The following MYL4 variants were observed in gnomAD, a reference collection of about 807,000 sequenced individuals.
MYL4 encodes myosin light chain 4, also known as atrial myosin light chain 1.
A neutral mutation model predicts 21.6 loss-of-function variants in MYL4; 16 were observed. The ratio of observed to expected loss-of-function variants is 0.74; its 90% confidence interval spans 0.50 to 1.12. The LOEUF (loss-of-function observed/expected upper bound fraction) is 1.12. Ranked by LOEUF, MYL4 falls within the 50% of genes most tolerant of loss-of-function variation. The probability of loss-of-function intolerance (pLI) is 0.00; values close to 1 mark genes in which losing one functional copy is unlikely to be tolerated. For missense variants in MYL4, 249 were observed against 252.9 expected (o/e 0.98, Z 0.11); for synonymous variants, 82 against 95.7 (o/e 0.86, Z 0.83).
rs998032090 is a variant in MYL4, at chr17:47,222,555, G to A, written c.565+98G>A. On this transcript the variant is annotated intron_variant, in intron 5 of 6. Coordinates refer to ENST00000393450, the MANE Select transcript of MYL4 (RefSeq NM_002476.2). ...CAGGAGCTGGAGGGTATGTGTCTGA[G>A]GTGGGTTTTTGTAGACCCCCCATTG... 2.5e-6 allele frequency: 3 copies of A among 1,177,256 alleles called. No individual in the cohort carries two copies. In the Admixed American group the frequency reaches 6.0e-5, roughly 24 times the overall value. The allele number at this position is 1,177,256 out of a possible 1,614,324, so 72.9% of individuals were successfully genotyped here.
At chr17:47,198,111 G>C (rs989300005), upstream of MYL4, among the ~76,000 whole-genome samples, 129 of 152,230 alleles carry the variant, frequency 8.5e-4, no homozygotes, top group Admixed American at 8.4e-3. Flanking sequence ...AAAGACTAGG[G>C]GCTAGGAATG....
chr17:47,207,718 A>G (rs1302462123), upstream of MYL4, among the ~76,000 whole-genome samples: 3 of 152,224 alleles, frequency 2.0e-5, no homozygotes, highest in Non-Finnish European at 4.4e-5. Context: ...TAGTGGATAC[A>G]TAAGCTTTTT....
chr17:47,221,160 A>G (rs189611796), intron 3 of MYL4, among the ~76,000 whole-genome samples: 5 of 152,322 alleles, frequency 3.3e-5, no homozygotes, highest in Non-Finnish European at 7.3e-5. Flanking sequence ...TTCACAAGAG[A>G]ACTGTGAATT....
At chr17:47,219,371 G>A (rs1333649392) in intron 2 of MYL4, among the ~76,000 whole-genome samples, 1 of 152,242 alleles carries the variant, frequency 6.6e-6, no homozygotes, top group Non-Finnish European at 1.5e-5. Context: ...CTCTGAGGCA[G>A]AGCCAAGATG....
chr17:47,198,121 G>T (rs17604704), upstream of MYL4, among the ~76,000 whole-genome samples: 7,019 of 152,286 alleles, frequency 0.046, 210 homozygotes, highest in Middle Eastern at 0.11. Flanking sequence ...GGCTAGGAAT[G>T]CAGCAGAGAG....
intron 6 of MYL4, 109 bp downstream of exon 6, chr17:47,223,166 A>G: frequency 1.7e-6 from 2 of 1,145,508 alleles, no homozygotes; most frequent in Non-Finnish European, 2.5e-6. Context: ...CTTAAGAGGA[A>G]ACCTCTTGGG....
chr17:47,194,239 G>A, the MYL4 span, among the ~76,000 whole-genome samples: 1 of 152,196 alleles, frequency 6.6e-6, no homozygotes, highest in Non-Finnish European at 1.5e-5. Context: ...TCCTATCCCA[G>A]TTTAAGATAT....
At chr17:47,225,619 T>C (rs903191542), downstream of MYL4, among the ~76,000 whole-genome samples, 1 of 152,218 alleles carries the variant, frequency 6.6e-6, no homozygotes, top group African/African-American at 2.4e-5. Context: ...AGGTCACAGC[T>C]AATGTTGACA....
At chr17:47,210,719 C>T (rs2064767588) in intron 1 of MYL4, among the ~76,000 whole-genome samples, 1 of 152,124 alleles carries the variant, frequency 6.6e-6, no homozygotes, top group South Asian at 2.1e-4. Context: ...AGACCCAGTC[C>T]CCGCAAGGGA....
chr17:47,222,968 T>C, intron 5 of MYL4, 46 bp from the exon 6 acceptor site: 1 of 1,613,518 alleles, frequency 6.2e-7, no homozygotes, highest in South Asian at 1.1e-5. Context: ...TTTATGGGCC[T>C]AGAGGCGCTG....
At chr17:47,208,549 CT>C (rs2064745851), upstream of MYL4, among the ~76,000 whole-genome samples, 2 of 113,240 alleles carry the variant, frequency 1.8e-5, no homozygotes, top group African/African-American at 7.4e-5. Flanking sequence ...GTAGTAAGCA[CT>C]ACACACACAC....
chr17:47,223,124 G>C, intron 6 of MYL4, 67 bp downstream of exon 6: 2 of 1,536,384 alleles, frequency 1.3e-6, no homozygotes, highest in Non-Finnish European at 1.8e-6. Context: ...AACACCATGT[G>C]CCCTAGAAGG....
At chr17:47,208,011 G>A (rs73327198), upstream of MYL4, among the ~76,000 whole-genome samples, 2,465 of 152,290 alleles carry the variant, frequency 0.016, 55 homozygotes, top group African/African-American at 0.056. Context: ...TTTAGACTCA[G>A]ACATATCTAC....
chr17:47,216,016 C>A (rs1162076777), intron 2 of MYL4, among the ~76,000 whole-genome samples: 1 of 151,816 alleles, frequency 6.6e-6, no homozygotes, highest in Non-Finnish European at 1.5e-5. Flanking sequence ...TGGCCTCAAG[C>A]AATCCTCCCA....
Position 47,222,368 on chromosome 17 carries a change from A to C in MYL4, c.488-12A>C, listed in dbSNP as rs201224815. ...GTAATTAAGAGCGCACCACCTCCCA[A>C]ACCCACCGCAGGAGAGAAGATGACT... is the stretch of plus-strand genomic sequence containing the variant. On this transcript the variant is annotated splice_polypyrimidine_tract_variant and intron_variant, in intron 4 of 6. Coordinates refer to ENST00000393450, the MANE Select transcript of MYL4 (RefSeq NM_002476.2). 1.3e-5 allele frequency: 21 copies of C among 1,614,002 alleles called. No homozygotes were observed. In the East Asian group the frequency reaches 4.2e-4, roughly 33 times the overall value.
At chr17:47,213,931 C>T (rs1248269944) in intron 2 of MYL4, 105 bp downstream of exon 2, 1 of 1,305,862 alleles carries the variant, frequency 7.7e-7, no homozygotes, top group East Asian at 2.3e-5. Context: ...TAATAGTAAT[C>T]ACTGTCATCA....
chr17:47,208,481 T>C (rs1410660326), upstream of MYL4, among the ~76,000 whole-genome samples: 5 of 151,822 alleles, frequency 3.3e-5, no homozygotes, highest in African/African-American at 1.2e-4. Flanking sequence ...TATAGGATCA[T>C]GGTGAAGATT....
intron 1 of MYL4, 189 bp downstream of exon 1, chr17:47,209,746 C>A (rs754832903): frequency 5.0e-6 from 4 of 793,908 alleles, no homozygotes; most frequent in South Asian, 1.6e-5. Context: ...GAGTCATAAA[C>A]CTTTTCCGTC....
At chr17:47,215,762 A>G (rs2064808869) in intron 2 of MYL4, among the ~76,000 whole-genome samples, 2 of 152,154 alleles carry the variant, frequency 1.3e-5, no homozygotes, top group Admixed American at 1.3e-4. Flanking sequence ...TCTCTAGGTG[A>G]TATGCCTCAA....
Sources: gnomAD v4.1 joint callset for allele counts (sites outside exome capture counted in the v4.1 genomes callset) on GRCh38, gnomAD v4.1.1 for gene constraint, MANE v1.5 for transcripts, NCBI Gene and HGNC (gene_info 2026-07-23, HGNC 2026-07-21) for gene names.